The following PRKG1 variants were observed in gnomAD, a reference collection of about 807,000 sequenced individuals.
The protein encoded by PRKG1 is cGMP-dependent protein kinase 1.
In PRKG1, 35 loss-of-function variants were observed where a neutral mutation model predicts 88.1. The observed-to-expected ratio is 0.40, with a 90% CI of 0.30 to 0.53. PRKG1 has a LOEUF of 0.53. Among genes scored for constraint, PRKG1 ranks in the 20% least tolerant of loss-of-function variants. PRKG1 has a pLI of 0.59. For synonymous variants in PRKG1, 303 were observed against 292.5 expected, an observed-to-expected ratio of 1.04 and a Z score of -0.37; for missense variants, 540 against 839.8, an observed-to-expected ratio of 0.64 and a Z score of 4.41.
rs533425294 is a variant in PRKG1 at position 52,013,619 on chromosome 10, G to A, written c.763-40865G>A. Among the ~76,000 whole-genome samples, 8 of 152,276 alleles carry A rather than the reference G, an allele frequency of 5.3e-5. No individual in the cohort carries two copies. The South Asian group carries it at 1.7e-3, about 32-fold the overall frequency. On this transcript the variant is annotated intron_variant, in intron 5 of 17. Transcript: ENST00000373980. ...CATGAGCTTATGTTCGAGAAAACTG[G>A]GGAGTCTGATTTGCTTTGAGCACAG...
At chr10:51,710,359 T>C (rs1345264092) in intron 3 of PRKG1, among the ~76,000 whole-genome samples, 1 of 151,430 alleles carries the variant, frequency 6.6e-6, no homozygotes, top group Non-Finnish European at 1.5e-5. Flanking sequence ...AGGTTCAAGA[T>C]GAAAGATTTT....
At chr10:52,123,886 T>G (rs1343133910) in intron 7 of PRKG1, among the ~76,000 whole-genome samples, 2 of 152,192 alleles carry the variant, frequency 1.3e-5, no homozygotes, top group African/African-American at 4.8e-5. Context: ...CTGAATGATG[T>G]GGCCCTGTTT....
chr10:52,218,992 G>A (rs1423927884), intron 9 of PRKG1, among the ~76,000 whole-genome samples: 1 of 152,024 alleles, frequency 6.6e-6, no homozygotes, highest in African/African-American at 2.4e-5. Context: ...AAGATAAAAG[G>A]CAAATGATAG....
intron 3 of PRKG1, among the ~76,000 whole-genome samples, chr10:51,640,610 C>G (rs1839774737): frequency 6.6e-6 from 1 of 152,034 alleles, no homozygotes; most frequent in Admixed American, 6.6e-5. Flanking sequence ...GGAGAAGATG[C>G]TTCCAGAAAA....
intron 1 of PRKG1, among the ~76,000 whole-genome samples, chr10:51,084,289 T>G (rs939118808): frequency 1.3e-5 from 2 of 152,166 alleles, no homozygotes; most frequent in African/African-American, 4.8e-5. Context: ...TGTGTTTAAT[T>G]ATTATGACTT....
At chr10:52,278,663 C>T (rs1041035670) in intron 12 of PRKG1, among the ~76,000 whole-genome samples, 10 of 152,084 alleles carry the variant, frequency 6.6e-5, no homozygotes, top group African/African-American at 2.4e-4. Flanking sequence ...CATGGTGGCT[C>T]ACGCCTGTAA....
chr10:51,710,578 C>A (rs1236504496), intron 3 of PRKG1, among the ~76,000 whole-genome samples: 2 of 152,212 alleles, frequency 1.3e-5, no homozygotes, highest in Non-Finnish European at 2.9e-5. Context: ...ATTCATTGAG[C>A]AGCTAATGGT....
intron 1 of PRKG1, among the ~76,000 whole-genome samples, chr10:51,116,692 G>A (rs1034132725): frequency 6.6e-6 from 1 of 152,168 alleles, no homozygotes; most frequent in Non-Finnish European, 1.5e-5. Flanking sequence ...CATTTCCTCT[G>A]AAATCCCTGG....
intron 2 of PRKG1, among the ~76,000 whole-genome samples, chr10:51,168,224 T>G (rs1310354630): frequency 6.6e-6 from 1 of 152,098 alleles, no homozygotes; most frequent in Non-Finnish European, 1.5e-5. Context: ...TCTGTCTCAT[T>G]TTCTCAGTAG....
chr10:51,355,229 GTAA>G (rs1401799055), intron 2 of PRKG1, among the ~76,000 whole-genome samples: 2 of 152,026 alleles, frequency 1.3e-5, no homozygotes, highest in Admixed American at 1.3e-4. Flanking sequence ...TTAGAGGTAC[GTAA>G]TACAAAATTC....
At chr10:51,388,798 T>C (rs1837319950) in intron 2 of PRKG1, among the ~76,000 whole-genome samples, 1 of 152,248 alleles carries the variant, frequency 6.6e-6, no homozygotes, top group Non-Finnish European at 1.5e-5. Flanking sequence ...TAATAAGGAA[T>C]ACCAACCAGC....
rs11439069 is a variant in PRKG1, at chr10:51,702,700, A to ATT, written c.593-101873_593-101872dup. On this transcript the variant is annotated intron_variant, in intron 3 of 17. Coordinates refer to ENST00000373980, the MANE Select transcript of PRKG1 (RefSeq NM_006258.4). ...AAACTTAATCCATTGTTCAAAATGA[A>ATT]TTTTTTTTTTTTTGACACAGGATTT... Among the ~76,000 whole-genome samples the ATT allele has an allele frequency of 2.2e-3, 317 of 147,162 alleles. 5 individuals carry two copies. The highest frequency in any genetic ancestry group is 7.5e-3 in the African/African-American group (302 of 40,488).
At chr10:51,686,751 T>C (rs1307639268) in intron 3 of PRKG1, among the ~76,000 whole-genome samples, 1 of 152,146 alleles carries the variant, frequency 6.6e-6, no homozygotes, top group Non-Finnish European at 1.5e-5. Context: ...TTTGTTTGTT[T>C]GTTTGTTTGT....
At chr10:51,945,303 G>T (rs1392591747) in intron 5 of PRKG1, among the ~76,000 whole-genome samples, 2 of 151,078 alleles carry the variant, frequency 1.3e-5, no homozygotes, top group Admixed American at 6.6e-5. Flanking sequence ...TTTTCCATTT[G>T]CTTGGTAGAT....
At chr10:51,256,188 G>C (rs1054790834) in intron 2 of PRKG1, among the ~76,000 whole-genome samples, 1 of 152,078 alleles carries the variant, frequency 6.6e-6, no homozygotes, top group Non-Finnish European at 1.5e-5. Flanking sequence ...CTTCCCAAGA[G>C]CCCCCACAGA....
At chr10:51,482,900 A>C (rs1035061385) in intron 3 of PRKG1, among the ~76,000 whole-genome samples, 9 of 152,156 alleles carry the variant, frequency 5.9e-5, no homozygotes, top group Non-Finnish European at 7.3e-5. Context: ...GTAATCAATA[A>C]ATCATGAAAT....
chr10:51,801,490 G>A (rs527482294), intron 3 of PRKG1, among the ~76,000 whole-genome samples: 7 of 152,060 alleles, frequency 4.6e-5, no homozygotes, highest in Non-Finnish European at 8.8e-5. Flanking sequence ...TTGAGGGCAG[G>A]GACTGTGAAT....
At chr10:51,429,473 G>T (rs1262435930) in intron 2 of PRKG1, among the ~76,000 whole-genome samples, 1 of 151,828 alleles carries the variant, frequency 6.6e-6, no homozygotes, top group Non-Finnish European at 1.5e-5. Flanking sequence ...CCCAGACTAA[G>T]AAAAAAAGAA....
At chr10:51,879,804 C>T (rs185143822) in intron 4 of PRKG1, among the ~76,000 whole-genome samples, 38 of 152,288 alleles carry the variant, frequency 2.5e-4, no homozygotes, top group African/African-American at 8.2e-4. Context: ...GAATTGAATG[C>T]CACCTGTGGG....
Sources: allele counts gnomAD v4.1 joint callset (sites outside exome capture counted in the v4.1 genomes callset), GRCh38; gene constraint gnomAD v4.1.1; transcripts MANE v1.5; gene names NCBI Gene and HGNC (gene_info 2026-07-23, HGNC 2026-07-21).